The following GNA14 variants were observed in gnomAD, a reference collection of about 807,000 sequenced individuals.
GNA14 encodes guanine nucleotide-binding protein subunit alpha-14.
Under a neutral mutation model 42.0 loss-of-function variants are expected in GNA14, and 50 were observed. That is an observed-to-expected ratio of 1.19 (90% CI 0.95 to 1.51). The LOEUF is 1.51. GNA14 is among the 40% of genes most tolerant of loss of function. GNA14 has a pLI of 0.00. For synonymous variants in GNA14, 173 were observed against 163.1 expected (o/e 1.06, Z -0.46); for missense variants, 473 against 446.2 (o/e 1.06, Z -0.54).
intron 5 of GNA14, among the ~76,000 whole-genome samples, chr9:77,426,162 C>G (rs1439685867): frequency 6.6e-6 from 1 of 152,164 alleles, no homozygotes; most frequent in Non-Finnish European, 1.5e-5. Flanking sequence ...AGTGACAAGG[C>G]TCTTCCAGCA....
intron 2 of GNA14, among the ~76,000 whole-genome samples, chr9:77,483,725 C>T (rs1836606209): frequency 6.6e-6 from 1 of 152,156 alleles, no homozygotes; most frequent in Admixed American, 6.5e-5. Flanking sequence ...ATGAAAATTC[C>T]CAGAACTAAA....
chr9:77,584,753 A>G (rs761357311), intron 1 of GNA14, among the ~76,000 whole-genome samples: 18 of 152,358 alleles, frequency 1.2e-4, no homozygotes, highest in Non-Finnish European at 1.6e-4. Context: ...CCATAGACAG[A>G]GCAGACTCAA....
At chr9:77,590,212 C>T (rs1178315067) in intron 1 of GNA14, among the ~76,000 whole-genome samples, 3 of 152,160 alleles carry the variant, frequency 2.0e-5, no homozygotes, top group East Asian at 1.9e-4. Context: ...CCACCGCACC[C>T]GGCCCCAAGT....
chr9:77,536,643 C>T (rs1482306961), intron 1 of GNA14, among the ~76,000 whole-genome samples: 1 of 152,204 alleles, frequency 6.6e-6, no homozygotes, highest in Non-Finnish European at 1.5e-5. Context: ...AGACACCGTG[C>T]CCTGCCTTAT....
At chr9:77,473,573 T>C (rs535144509) in intron 2 of GNA14, among the ~76,000 whole-genome samples, 1 of 150,814 alleles carries the variant, frequency 6.6e-6, no homozygotes, top group African/African-American at 2.4e-5. Flanking sequence ...CAACCTGATC[T>C]ACATATTCAA....
chr9:77,450,627 G>A (rs1835888158), intron 2 of GNA14, among the ~76,000 whole-genome samples: 1 of 151,640 alleles, frequency 6.6e-6, no homozygotes. Flanking sequence ...AAGCTCTGGT[G>A]CTGTTAAAAT....
At chr9:77,604,400 A>G (rs1823618602) in intron 1 of GNA14, among the ~76,000 whole-genome samples, 1 of 152,190 alleles carries the variant, frequency 6.6e-6, no homozygotes. Context: ...CCCTAAGTGG[A>G]AGTCTGAAGT....
At chr9:77,458,440 G>A (rs1836045154) in intron 2 of GNA14, among the ~76,000 whole-genome samples, 1 of 152,182 alleles carries the variant, frequency 6.6e-6, no homozygotes, top group African/African-American at 2.4e-5. Context: ...TGATGGATTA[G>A]TGACTGGTGA....
At chr9:77,582,971 T>A (rs1435658426) in intron 1 of GNA14, among the ~76,000 whole-genome samples, 1 of 152,222 alleles carries the variant, frequency 6.6e-6, no homozygotes, top group African/African-American at 2.4e-5. Flanking sequence ...TTCACACCTG[T>A]ACCCAGCTAT....
chr9:77,550,089 G>A (rs931179073), intron 1 of GNA14, among the ~76,000 whole-genome samples: 1 of 152,084 alleles, frequency 6.6e-6, no homozygotes, highest in Non-Finnish European at 1.5e-5. Context: ...TTGCACTGTG[G>A]GTGGGAGGGG....
chr9:77,580,647 C>T (rs944607069), intron 1 of GNA14: 7 of 372,384 alleles, frequency 1.9e-5, no homozygotes, highest in Admixed American at 9.6e-5. Flanking sequence ...CAGCCAGGCA[C>T]TCACACTGTT....
At chr9:77,545,799 T>C (rs1042413085) in intron 1 of GNA14, among the ~76,000 whole-genome samples, 10 of 152,188 alleles carry the variant, frequency 6.6e-5, no homozygotes, top group African/African-American at 2.2e-4. Flanking sequence ...TATCTTTACA[T>C]ACCATTATCG....
intron 2 of GNA14, among the ~76,000 whole-genome samples, chr9:77,492,642 T>C (rs1055217844): frequency 4.6e-5 from 7 of 152,218 alleles, no homozygotes; most frequent in Admixed American, 2.0e-4. Flanking sequence ...ACGCAATGTA[T>C]AGCATCTTAA....
Position 77,613,922 on chromosome 9 carries a change from G to A in GNA14, c.124+33748C>T, listed in dbSNP as rs186549107. 4.2e-3 allele frequency among the ~76,000 whole-genome samples: 633 copies of A among 152,310 alleles called. 1 individual carries two copies. Among genetic ancestry groups the A allele is most frequent in the Non-Finnish European group, 6.6e-3 (451 of 68,034 alleles). On this transcript the variant is annotated intron_variant, in intron 1 of 6. Coordinates refer to ENST00000341700, the MANE Select transcript of GNA14 (RefSeq NM_004297.4). Reference sequence around the variant, plus strand: ...GGATTAGCAGCTGTTTCTCCCAAATGTAAGGGAAGAAACAGCAGCTAGTAG... The same window carrying A: ...GGATTAGCAGCTGTTTCTCCCAAATATAAGGGAAGAAACAGCAGCTAGTAG...
At chr9:77,489,808 A>G (rs1836729981) in intron 2 of GNA14, among the ~76,000 whole-genome samples, 1 of 152,116 alleles carries the variant, frequency 6.6e-6, no homozygotes, top group African/African-American at 2.4e-5. Flanking sequence ...GGTGAGTGTT[A>G]CAGCTCATAA....
chr9:77,538,421 T>C (rs1196341371), intron 1 of GNA14, among the ~76,000 whole-genome samples: 1 of 152,156 alleles, frequency 6.6e-6, no homozygotes, highest in Non-Finnish European at 1.5e-5. Flanking sequence ...CAGGCTCTTT[T>C]TTGCTTCCAC....
At chr9:77,509,823 A>G (rs1388566293) in intron 2 of GNA14, among the ~76,000 whole-genome samples, 1 of 152,210 alleles carries the variant, frequency 6.6e-6, no homozygotes, top group Non-Finnish European at 1.5e-5. Context: ...CAATGACAAG[A>G]TCCAGTGGAA....
At chr9:77,436,698 C>T (rs759182528) in intron 2 of GNA14, among the ~76,000 whole-genome samples, 10 of 152,196 alleles carry the variant, frequency 6.6e-5, no homozygotes, top group Non-Finnish European at 1.0e-4. Flanking sequence ...GTCTGTTTTC[C>T]TCTCTGTCTT....
intron 1 of GNA14, among the ~76,000 whole-genome samples, chr9:77,536,113 T>C: frequency 6.6e-6 from 1 of 152,124 alleles, no homozygotes; most frequent in East Asian, 1.9e-4. Context: ...AGGTGCTATT[T>C]TTCACCATAA....
Sources: allele counts gnomAD v4.1 joint callset (sites outside exome capture counted in the v4.1 genomes callset), GRCh38; gene constraint gnomAD v4.1.1; transcripts MANE v1.5; gene names NCBI Gene and HGNC (gene_info 2026-07-23, HGNC 2026-07-21).